Variants in AFG2A observed in about 807,000 individuals in gnomAD.
AFG2A encodes AAA ATPase AFG2A, also known as ATPase family gene 2 protein homolog A.
chr4:122,991,229 T>C, the AFG2A span, among the ~76,000 whole-genome samples: 1 of 152,236 alleles, frequency 6.6e-6, no homozygotes, highest in African/African-American at 2.4e-5. Flanking sequence ...TTTAAGTCTG[T>C]GCCTGGCCCT....
the AFG2A span, among the ~76,000 whole-genome samples, chr4:123,021,602 G>C: frequency 3.5e-3 from 526 of 152,264 alleles, 6 homozygotes; most frequent in African/African-American, 0.012. Flanking sequence ...AGCTCTCTCA[G>C]TGTGTCTCAC....
the AFG2A span, among the ~76,000 whole-genome samples, chr4:123,115,424 C>T: frequency 6.6e-6 from 1 of 152,048 alleles, no homozygotes; most frequent in Non-Finnish European, 1.5e-5. Context: ...GAGTCGCTTG[C>T]CAGGTCTGGG....
At chr4:123,127,427 C>T in the AFG2A span, among the ~76,000 whole-genome samples, 2 of 152,110 alleles carry the variant, frequency 1.3e-5, no homozygotes, top group Admixed American at 1.3e-4. Flanking sequence ...AAAATTTTCT[C>T]TGTGTTTTTC....
At chr4:123,205,771 A>G in the AFG2A span, among the ~76,000 whole-genome samples, 1 of 152,184 alleles carries the variant, frequency 6.6e-6, no homozygotes, top group African/African-American at 2.4e-5. Flanking sequence ...CTCATAAAGC[A>G]TTTAACAGAT....
chr4:122,994,187 A>G, the AFG2A span, among the ~76,000 whole-genome samples: 1 of 152,110 alleles, frequency 6.6e-6, no homozygotes, highest in Non-Finnish European at 1.5e-5. Flanking sequence ...GATTTCTTCT[A>G]TGATTTTTAA....
At chr4:123,096,573 C>T in the AFG2A span, among the ~76,000 whole-genome samples, 1 of 151,928 alleles carries the variant, frequency 6.6e-6, no homozygotes, top group Non-Finnish European at 1.5e-5. Context: ...AGTTTTAATT[C>T]TGTGAATATC....
At chr4:123,141,377 C>A in the AFG2A span, among the ~76,000 whole-genome samples, 1 of 152,126 alleles carries the variant, frequency 6.6e-6, no homozygotes, top group South Asian at 2.1e-4. Context: ...GCAGAAGAAT[C>A]GCTTGAACCC....
At chr4:123,137,816 T>C in the AFG2A span, among the ~76,000 whole-genome samples, 1 of 152,206 alleles carries the variant, frequency 6.6e-6, no homozygotes, top group Admixed American at 6.5e-5. Flanking sequence ...CTTTAATTCA[T>C]TTACTGGCAT....
At chr4:123,255,715 C>CT in the AFG2A span, among the ~76,000 whole-genome samples, 351 of 103,852 alleles carry the variant, frequency 3.4e-3, 21 homozygotes, top group South Asian at 0.011. Context: ...TACTGCTTTT[C>CT]TATTTTTTTT....
At chr4:123,190,694 G>A in the AFG2A span, among the ~76,000 whole-genome samples, 10 of 152,172 alleles carry the variant, frequency 6.6e-5, no homozygotes, top group Non-Finnish European at 1.5e-4. Flanking sequence ...CTACTATGGG[G>A]TAGGTTTATC....
the AFG2A span, among the ~76,000 whole-genome samples, chr4:123,220,845 G>A: frequency 6.6e-6 from 1 of 152,084 alleles, no homozygotes; most frequent in Non-Finnish European, 1.5e-5. Flanking sequence ...TGGAGGCTCA[G>A]GTAGTCATAA....
the AFG2A span, among the ~76,000 whole-genome samples, chr4:123,103,952 T>C: frequency 1.3e-5 from 2 of 152,092 alleles, no homozygotes; most frequent in East Asian, 3.8e-4. Flanking sequence ...AGTTCGGGGA[T>C]CTGAGGGAGG....
At chr4:123,294,911 CA>C in the AFG2A span, among the ~76,000 whole-genome samples, 68 of 152,280 alleles carry the variant, frequency 4.5e-4, no homozygotes, top group Non-Finnish European at 7.9e-4. Flanking sequence ...AGCACATTAT[CA>C]TGTACATGAA....
chr4:123,241,319 G>A, the AFG2A span, among the ~76,000 whole-genome samples: 3 of 152,060 alleles, frequency 2.0e-5, no homozygotes, highest in African/African-American at 7.2e-5. Context: ...GCCTGGCAGA[G>A]ACAAAACAAA....
At chr4:123,042,685 A>G in the AFG2A span, among the ~76,000 whole-genome samples, 1 of 151,844 alleles carries the variant, frequency 6.6e-6, no homozygotes, top group Non-Finnish European at 1.5e-5. Context: ...TATCTCCTCT[A>G]TTATCTTAAT....
chr4:123,242,291 C>T, the AFG2A span, among the ~76,000 whole-genome samples: 8 of 152,072 alleles, frequency 5.3e-5, no homozygotes, highest in East Asian at 1.9e-4. Context: ...AAAAGGAGCC[C>T]GCATAGCCAA....
the AFG2A span, among the ~76,000 whole-genome samples, chr4:123,199,350 A>G: frequency 6.6e-6 from 1 of 152,126 alleles, no homozygotes; most frequent in Non-Finnish European, 1.5e-5. Context: ...AATGACCCAC[A>G]GAAATTGATT....
chr4:123,025,553 C>CT, the AFG2A span, among the ~76,000 whole-genome samples: 44 of 151,042 alleles, frequency 2.9e-4, no homozygotes, highest in South Asian at 6.5e-3. Context: ...ATAACTTGAA[C>CT]TTTTTTTTTT....
chr4:123,059,712 C>A, the AFG2A span, among the ~76,000 whole-genome samples: 2 of 150,872 alleles, frequency 1.3e-5, no homozygotes, highest in Non-Finnish European at 3.0e-5. Context: ...AGTTCTAGAT[C>A]CCTGAGGAAT....
Sources: allele counts gnomAD v4.1 joint callset (sites outside exome capture counted in the v4.1 genomes callset), GRCh38; gene constraint gnomAD v4.1.1; transcripts MANE v1.5; gene names NCBI Gene and HGNC (gene_info 2026-07-23, HGNC 2026-07-21).